BBS9: variants seen among roughly 807,000 people sequenced by gnomAD.
BBS9 encodes the protein Bardet-Biedl syndrome 9.
A neutral mutation model predicts 117.7 loss-of-function variants in BBS9; 89 were observed. That is an observed-to-expected ratio of 0.76 (90% CI 0.64 to 0.90). The LOEUF is 0.90. Among genes scored for constraint, BBS9 ranks in the 40% least tolerant of loss-of-function variants. The pLI is 0.00. For missense variants in BBS9, 982 were observed against 1,042.2 expected (o/e 0.94, Z 0.80); for synonymous variants, 379 against 370.9 (o/e 1.02, Z -0.25).
At chr7:33,181,297 A>G (rs1038756861) in intron 5 of BBS9, among the ~76,000 whole-genome samples, 1 of 152,220 alleles carries the variant, frequency 6.6e-6, no homozygotes, top group Non-Finnish European at 1.5e-5. Context: ...CAGCCCTAGC[A>G]TACCTCTAGA....
At chr7:33,463,776 G>T (rs9886232) in intron 19 of BBS9, among the ~76,000 whole-genome samples, 36,752 of 151,954 alleles carry the variant, frequency 0.24, 4,878 homozygotes, top group Admixed American at 0.38. Context: ...CAAATGTAAA[G>T]TTCCTACATT....
intron 21 of BBS9, among the ~76,000 whole-genome samples, chr7:33,543,773 T>A (rs1852801295): frequency 6.6e-6 from 1 of 152,190 alleles, no homozygotes; most frequent in Non-Finnish European, 1.5e-5. Flanking sequence ...TTTTCCTTGA[T>A]TATTCCCCCA....
intron 4 of BBS9, among the ~76,000 whole-genome samples, chr7:33,177,130 T>C (rs1187338992): frequency 6.6e-6 from 1 of 152,160 alleles, no homozygotes; most frequent in Non-Finnish European, 1.5e-5. Context: ...TCTATTAATG[T>C]TTATAAATGC....
intron 19 of BBS9, among the ~76,000 whole-genome samples, chr7:33,456,824 T>A (rs969254019): frequency 2.6e-5 from 4 of 152,178 alleles, no homozygotes; most frequent in Non-Finnish European, 5.9e-5. Flanking sequence ...ACAGTTCAAG[T>A]TTTAAAATAG....
intron 10 of BBS9, among the ~76,000 whole-genome samples, chr7:33,340,077 A>G (rs1303487461): frequency 6.6e-6 from 1 of 151,994 alleles, no homozygotes; most frequent in Non-Finnish European, 1.5e-5. Flanking sequence ...AAACATGTTT[A>G]AAATTATGAA....
At chr7:33,566,564 T>C (rs566197815) in intron 21 of BBS9, among the ~76,000 whole-genome samples, 1 of 152,100 alleles carries the variant, frequency 6.6e-6, no homozygotes, top group Non-Finnish European at 1.5e-5. Context: ...TTTGAAGAAG[T>C]ATCTATGATT....
intron 15 of BBS9, among the ~76,000 whole-genome samples, chr7:33,356,938 T>C (rs571980895): frequency 6.6e-5 from 10 of 151,942 alleles, no homozygotes; most frequent in African/African-American, 2.4e-4. Context: ...CGGCATAGGC[T>C]TCTATATATT....
chr7:33,329,101 A>T (rs1367468856), intron 9 of BBS9, among the ~76,000 whole-genome samples: 1 of 151,742 alleles, frequency 6.6e-6, no homozygotes, highest in Non-Finnish European at 1.5e-5. Flanking sequence ...GCTCACTGCA[A>T]CCTCCGCCTC....
At chr7:33,517,956 A>G (rs1211078468) in intron 20 of BBS9, among the ~76,000 whole-genome samples, 1 of 152,234 alleles carries the variant, frequency 6.6e-6, no homozygotes. Flanking sequence ...TACCAGAAAA[A>G]TGCTGGCACA....
intron 19 of BBS9, among the ~76,000 whole-genome samples, chr7:33,469,878 A>G (rs1314861562): frequency 6.6e-6 from 1 of 152,006 alleles, no homozygotes; most frequent in Non-Finnish European, 1.5e-5. Flanking sequence ...CCTTGAACAA[A>G]CCAGCTGGCT....
rs1800161843 is a variant in BBS9 at position 33,273,299 on chromosome 7, A to C, written c.886+104A>C. The C allele has an allele frequency of 1.7e-5, 20 of 1,173,318 alleles. No homozygotes were observed. In the South Asian group the frequency reaches 2.4e-4, roughly 14 times the overall value. The allele number at this position is 1,173,318 out of a possible 1,614,324, so 72.7% of individuals were successfully genotyped here. ...ACATATTGTAAACATATATGAAAAC[A>C]GTTTAATATTGAATATGTAATGGAA... On this transcript the variant is annotated intron_variant, in intron 8 of 22. Transcript: ENST00000242067.
intron 5 of BBS9, among the ~76,000 whole-genome samples, chr7:33,219,325 G>A (rs60871858): frequency 0.11 from 17,246 of 152,222 alleles, 1,153 homozygotes; most frequent in African/African-American, 0.18. Context: ...CACCGCGGCC[G>A]GTCCCATCGA....
chr7:33,206,878 T>G (rs951128194), intron 5 of BBS9, among the ~76,000 whole-genome samples: 6 of 152,190 alleles, frequency 3.9e-5, no homozygotes, highest in Non-Finnish European at 8.8e-5. Context: ...ATCATGTCTT[T>G]TAGCCTCTTT....
chr7:33,366,733 AT>A (rs1313367326), intron 16 of BBS9, among the ~76,000 whole-genome samples: 1 of 151,670 alleles, frequency 6.6e-6, no homozygotes, highest in African/African-American at 2.4e-5. Context: ...TTTAGTAGAG[AT>A]GGGGTTTCAC....
intron 9 of BBS9, among the ~76,000 whole-genome samples, chr7:33,323,591 A>G (rs1812174750): frequency 6.6e-6 from 1 of 151,922 alleles, no homozygotes. Flanking sequence ...GGCATGGAAT[A>G]TATTTTATCA....
chr7:33,211,092 A>G (rs981854676), intron 5 of BBS9, among the ~76,000 whole-genome samples: 3 of 152,196 alleles, frequency 2.0e-5, no homozygotes. Context: ...CTTGTAGGCA[A>G]CAGATCATCG....
At chr7:33,498,678 C>T (rs1845057221) in intron 19 of BBS9, among the ~76,000 whole-genome samples, 1 of 152,070 alleles carries the variant, frequency 6.6e-6, no homozygotes. Flanking sequence ...CATTTTGTAG[C>T]GTGTATAAGT....
downstream of BBS9, among the ~76,000 whole-genome samples, chr7:33,609,863 C>T (rs773558553): frequency 3.3e-5 from 5 of 151,936 alleles, no homozygotes; most frequent in South Asian, 4.2e-4. Flanking sequence ...GTAATTTAAC[C>T]ATATACAGAG....
intron 5 of BBS9, among the ~76,000 whole-genome samples, chr7:33,253,616 C>A (rs1326273744): frequency 1.3e-5 from 2 of 151,988 alleles, no homozygotes; most frequent in African/African-American, 4.8e-5. Context: ...CATCTCAGAA[C>A]AAAACAAAAA....
Sources: gnomAD v4.1 joint callset for allele counts (sites outside exome capture counted in the v4.1 genomes callset) on GRCh38, gnomAD v4.1.1 for gene constraint, MANE v1.5 for transcripts, NCBI Gene and HGNC (gene_info 2026-07-23, HGNC 2026-07-21) for gene names.